The following SCAMP4 variants were observed in gnomAD, a reference collection of about 807,000 sequenced individuals.
SCAMP4 encodes secretory carrier-associated membrane protein 4.
In SCAMP4, 19 loss-of-function variants were observed where a neutral mutation model predicts 32.1. The ratio of observed to expected loss-of-function variants is 0.59; its 90% CI spans 0.41 to 0.87. The LOEUF (loss-of-function observed/expected upper bound fraction) is 0.87. Among genes scored for constraint, SCAMP4 ranks in the 40% least tolerant of loss-of-function variants. SCAMP4 has a pLI of 0.00. For missense variants in SCAMP4, 302 were observed against 309.0 expected, an observed-to-expected ratio of 0.98 and a Z score of 0.17; for synonymous variants, 152 against 132.7, an observed-to-expected ratio of 1.15 and a Z score of -1.00.
At chr19:1,911,118 G>A (rs1599237392) in intron 1 of SCAMP4, among the ~76,000 whole-genome samples, 1 of 151,976 alleles carries the variant, frequency 6.6e-6, no homozygotes, top group African/African-American at 2.4e-5. Flanking sequence ...CTTGTGATCC[G>A]CCTGCCTCGG....
Position 1,924,515 on chromosome 19 carries a change from G to A in SCAMP4, c.*231G>A, listed in dbSNP as rs947999726. The A allele has an allele frequency of 7.6e-5, 43 of 563,596 alleles. No individual in the cohort carries two copies. The highest frequency in any genetic ancestry group is 2.8e-4 in the African/African-American group (15 of 53,190). 34.9% of individuals were successfully genotyped at this position (563,596 alleles called of 1,614,324 possible). A position where few individuals can be genotyped will look rare whatever the true frequency, so the allele number is the denominator to read the frequency against. On this transcript the variant is annotated 3_prime_UTR_variant, in exon 7 of 7. Transcript: ENST00000316097. ...TCCCCAGCAGCCCTTGGCCTCTGCC[G>A]TCCACAGGACGCCCTCTTGCTCCCG... is the stretch of plus-strand genomic sequence containing the variant.
chr19:1,911,610 A>C (rs765718165), intron 1 of SCAMP4, among the ~76,000 whole-genome samples: 6 of 152,208 alleles, frequency 3.9e-5, no homozygotes, highest in Middle Eastern at 6.8e-3. Context: ...GTGAAATCCC[A>C]TCTCTACTAA....
rs1033367954 is a variant in SCAMP4, at chr19:1,920,707, G to C, written c.395+1717G>C. The C allele has an allele frequency of 5.3e-5, 52 of 985,496 alleles. No homozygotes were observed. In the South Asian group the frequency reaches 2.2e-3, roughly 41 times the overall value. 61.0% of individuals were successfully genotyped at this position (985,496 alleles called of 1,614,324 possible). On this transcript the variant is annotated intron_variant, in intron 5 of 6. Transcript: ENST00000316097. ...TCCTCCGAGTCCTCCTGAGCTCCCA[G>C]CTGCCAGCTCGGCTCCCACTGGCCC...
chr19:1,908,157 G>A lies in SCAMP4; in HGVS notation c.-42+2718G>A, dbSNP rs970785732. The stretch of plus-strand genomic sequence containing the variant: ...TCGGTCCTGGTCGCGCGTGGTGTGC[G>A]TTTTGGGAGGGCCCAGCGAGTCGGC... On this transcript the variant is annotated intron_variant, in intron 1 of 6. Transcript: ENST00000316097. The surrounding 1 kb of genome is among the most constrained non-coding windows in gnomAD (Gnocchi z 4.2). The A allele has an allele frequency of 2.7e-5, 7 of 263,970 alleles. No individual in the cohort carries two copies. Among genetic ancestry groups the A allele is most frequent in the Non-Finnish European group, 5.3e-5 (7 of 133,158 alleles). The allele number at this position is 263,970 out of a possible 1,614,324, so 16.4% of individuals were successfully genotyped here.
rs747783885 is a variant in SCAMP4, at chr19:1,912,918, C to G, written c.-41-2061C>G. On this transcript the variant is annotated intron_variant, in intron 1 of 6. Coordinates refer to ENST00000316097, the MANE Select transcript of SCAMP4 (RefSeq NM_079834.4). ...TAAACTGGACGCAGACGAGGACGGC[C>G]TCCCCTACCTGTGCACTGGCTACGA... 9 of 1,609,774 alleles carry G rather than the reference C, an allele frequency of 5.6e-6. No individual in the cohort carries two copies. The highest frequency in any genetic ancestry group is 7.6e-6 in the Non-Finnish European group (9 of 1,179,322).
At chr19:1,912,586 T>A in intron 1 of SCAMP4, 1 of 1,494,860 alleles carries the variant, frequency 6.7e-7, no homozygotes, top group Non-Finnish European at 8.9e-7. Context: ...GCTGGGCGGC[T>A]CTTCTCCACG....
In SCAMP4 at chr19:1,912,317, C is replaced by A. The variant is rs922152045; in HGVS notation, c.-41-2662C>A. 2.6e-6 allele frequency: 4 copies of A among 1,551,856 alleles called. No homozygotes were observed. The African/African-American group carries it at 5.6e-5, about 22-fold the overall frequency. Reference sequence around the variant, plus strand: ...TGCACCCGCTCCCCGCCCAGCCTCACCTCAAGCGGGTGCGGCCCAGCCGCG... The same window carrying A: ...TGCACCCGCTCCCCGCCCAGCCTCAACTCAAGCGGGTGCGGCCCAGCCGCG... On this transcript the variant is annotated intron_variant, in intron 1 of 6. Transcript: ENST00000316097.
chr19:1,922,673 G>T, intron 5 of SCAMP4: 1 of 989,578 alleles, frequency 1.0e-6, no homozygotes, highest in Non-Finnish European at 1.2e-6. Flanking sequence ...TGGGTTCTTA[G>T]TAGCAGGCTC....
intron 6 of SCAMP4, 86 bp downstream of exon 6, chr19:1,923,273 G>C (rs981483314): frequency 8.4e-7 from 1 of 1,195,518 alleles, no homozygotes; most frequent in African/African-American, 1.5e-5. Context: ...TGAACGTCGA[G>C]GAGCCGGGCC....
chr19:1,919,345 A>G, intron 5 of SCAMP4: 1 of 1,148,716 alleles, frequency 8.7e-7, no homozygotes, highest in Non-Finnish European at 1.1e-6. Flanking sequence ...TTCTGCACGG[A>G]TCGCTGCAGG....
At chr19:1,913,172 G>T in intron 1 of SCAMP4, 1 of 1,501,376 alleles carries the variant, frequency 6.7e-7, no homozygotes. Context: ...CCTGCCTCCG[G>T]ACCCTTCCCG....
intron 1 of SCAMP4, among the ~76,000 whole-genome samples, chr19:1,909,171 C>G (rs1264958472): frequency 6.7e-6 from 1 of 149,384 alleles, no homozygotes; most frequent in African/African-American, 2.5e-5. Flanking sequence ...GCCTGCGGTG[C>G]GAGTCTGTGG....
At chr19:1,922,596 G>A (rs1017581819) in intron 5 of SCAMP4, 4 of 985,376 alleles carry the variant, frequency 4.1e-6, no homozygotes, top group South Asian at 9.4e-5. Flanking sequence ...TTTTCCATCC[G>A]CATTGCTCCC....
rs761296976 is a variant in SCAMP4 at position 1,918,112 on chromosome 19, CCT to C, written c.137-8_137-7del. 1.9e-6 allele frequency: 3 copies of C among 1,603,040 alleles called. No individual in the cohort carries two copies. The highest frequency in any genetic ancestry group is 2.2e-5 in the South Asian group (2 of 90,038). ...CTCCCGTGCCTGCTCATCCGTCCTC[CCT>C]CTCTCTTCGCAGTTTACTGCGCCAC... On this transcript the variant is annotated splice_polypyrimidine_tract_variant and intron_variant, in intron 3 of 6. Transcript: ENST00000316097.
chr19:1,922,396 G>T, intron 5 of SCAMP4: 1 of 695,308 alleles, frequency 1.4e-6, no homozygotes, highest in South Asian at 6.4e-5. Flanking sequence ...CCTCATGCCT[G>T]GCTAATTTTT....
In SCAMP4 at chr19:1,923,193, T is replaced by A; in HGVS notation, c.513+6T>A. Reference sequence around the variant, plus strand: ...TGGCCATCGCGATCATGAAGGTGAGTCCTCGGCTTTGTGACGTCCAGCCCT... The same window carrying A: ...TGGCCATCGCGATCATGAAGGTGAGACCTCGGCTTTGTGACGTCCAGCCCT... On this transcript the variant is annotated splice_donor_region_variant and intron_variant, in intron 6 of 6. Transcript: ENST00000316097. 1 of 1,530,416 alleles carries A rather than the reference T, an allele frequency of 6.5e-7. No homozygotes were observed. Among genetic ancestry groups the A allele is most frequent in the Non-Finnish European group, 8.9e-7 (1 of 1,129,314 alleles). The allele number at this position is 1,530,416 out of a possible 1,614,324, so 94.8% of individuals were successfully genotyped here.
At position 1,913,971 on chromosome 19, in the gene SCAMP4, T is replaced by TG. The variant is rs138018864; in HGVS notation, c.-41-1007dup. Among the ~76,000 whole-genome samples, 661 of 152,196 alleles carry TG rather than the reference T, an allele frequency of 4.3e-3. 4 individuals carry two copies. Among genetic ancestry groups the TG allele is most frequent in the African/African-American group, 0.015 (630 of 41,544 alleles). On this transcript the variant is annotated intron_variant, in intron 1 of 6. Coordinates refer to ENST00000316097, the MANE Select transcript of SCAMP4 (RefSeq NM_079834.4). ...GCTCATGCAGTGGACAGAACACCAC[T>TG]GCTGGCCAGGAGCCCGCCAGGCCTG...
intron 6 of SCAMP4, 132 bp from the exon 7 acceptor site, chr19:1,923,975 GT>G (rs1204917726): frequency 3.7e-6 from 1 of 270,786 alleles, no homozygotes; most frequent in African/African-American, 1.9e-5. Flanking sequence ...GTTTGGACTG[GT>G]CTCGAACTCC....
Position 1,924,275 on chromosome 19 carries a change from G to T in SCAMP4, c.681G>T (p.Gln227His). Residue 227 changes from glutamine to histidine, a missense_variant, in exon 7 of 7, where the codon CAG (glutamine) becomes CAT (histidine). Transcript: ENST00000316097. ...TGCCCAGCTACCCGGGCAGTGGCCAGTGGCCTTAGAGGGAGCCTGCCCTGC... is the reference window on the plus strand; with the variant it reads ...TGCCCAGCTACCCGGGCAGTGGCCATTGGCCTTAGAGGGAGCCTGCCCTGC... The part of the protein sequence containing the change: ...PTVPSYPGSG[Q>H]WP 1 of 1,592,894 alleles carries T rather than the reference G, an allele frequency of 6.3e-7. No individual in the cohort carries two copies. The highest frequency in any genetic ancestry group is 2.3e-5 in the East Asian group (1 of 43,726).
Sources: gnomAD v4.1 joint callset for allele counts (sites outside exome capture counted in the v4.1 genomes callset) on GRCh38, gnomAD v4.1.1 for gene constraint, Gnocchi (gnomAD v3.1) non-coding constraint, MANE v1.5 for transcripts, NCBI Gene and HGNC (gene_info 2026-07-23, HGNC 2026-07-21) for gene names.